Variants in ZNF722 observed in about 807,000 individuals in gnomAD.
ZNF722 encodes the protein zinc finger protein 479 pseudogene.
At chr7:64,010,458 G>A in the ZNF722 span, among the ~76,000 whole-genome samples, 2 of 152,080 alleles carry the variant, frequency 1.3e-5, no homozygotes, top group African/African-American at 2.4e-5. Flanking sequence ...GTTCTCATTG[G>A]TTTCAAAGAA....
chr7:64,016,026 A>G, the ZNF722 span: 1 of 776,500 alleles, frequency 1.3e-6, no homozygotes, highest in Non-Finnish European at 2.0e-6. Context: ...CAAGTTCCAA[A>G]CCTTAATAGA....
chr7:64,004,423 A>ATATAT, the ZNF722 span, among the ~76,000 whole-genome samples: 24 of 61,700 alleles, frequency 3.9e-4, no homozygotes, highest in African/African-American at 1.0e-3. Flanking sequence ...AAAAAAAAAA[A>ATATAT]AAATATATAT....
the ZNF722 span, chr7:64,015,460 A>C: frequency 6.2e-7 from 1 of 1,610,792 alleles, no homozygotes; most frequent in Non-Finnish European, 8.5e-7. Context: ...ACTACACATA[A>C]AAGAATTCAT....
At chr7:64,017,794 A>G in the ZNF722 span, among the ~76,000 whole-genome samples, 2 of 152,366 alleles carry the variant, frequency 1.3e-5, no homozygotes, top group African/African-American at 4.8e-5. Context: ...TCCAAAGATA[A>G]CAGTATATAC....
the ZNF722 span, among the ~76,000 whole-genome samples, chr7:64,004,399 A>G: frequency 8.9e-6 from 1 of 112,406 alleles, no homozygotes; most frequent in Non-Finnish European, 1.8e-5. Flanking sequence ...ACAGAGCGAG[A>G]CTCTGTCTCT....
chr7:64,015,870 GC>G, the ZNF722 span: 1 of 1,574,828 alleles, frequency 6.3e-7, no homozygotes, highest in Non-Finnish European at 8.7e-7. Context: ...TTCAAGTCTT[GC>G]TAAACATAAG....
chr7:64,000,631 A>C, the ZNF722 span, among the ~76,000 whole-genome samples: 1 of 149,242 alleles, frequency 6.7e-6, no homozygotes, highest in Non-Finnish European at 1.5e-5. Flanking sequence ...TTTTATTTTT[A>C]GTAGAGACAC....
At chr7:64,014,489 C>T in the ZNF722 span, among the ~76,000 whole-genome samples, 1 of 152,064 alleles carries the variant, frequency 6.6e-6, no homozygotes, top group South Asian at 2.1e-4. Context: ...TCTGGCATAG[C>T]CTGAAACCAA....
the ZNF722 span, among the ~76,000 whole-genome samples, chr7:64,010,408 C>T: frequency 2.0e-5 from 3 of 152,192 alleles, no homozygotes; most frequent in Non-Finnish European, 4.4e-5. Flanking sequence ...CTACACACTG[C>T]TTTAAATGTG....
At chr7:64,002,857 G>T in the ZNF722 span, among the ~76,000 whole-genome samples, 540 of 152,298 alleles carry the variant, frequency 3.5e-3, 5 homozygotes, top group African/African-American at 0.012. Context: ...CATGATGATT[G>T]GTTGTCTTTA....
chr7:64,012,085 C>T, the ZNF722 span, among the ~76,000 whole-genome samples: 101 of 152,214 alleles, frequency 6.6e-4, no homozygotes, highest in African/African-American at 2.3e-3. Context: ...CTTGTGCATG[C>T]GTCACATAGT....
At chr7:64,009,486 A>G in the ZNF722 span, among the ~76,000 whole-genome samples, 40 of 152,336 alleles carry the variant, frequency 2.6e-4, 1 homozygote, top group South Asian at 8.3e-3. Flanking sequence ...CCTTTTCTGC[A>G]TCTATTGAGA....
chr7:64,015,905 C>A, the ZNF722 span: 1 of 1,533,058 alleles, frequency 6.5e-7, no homozygotes, highest in Admixed American at 1.7e-5. Flanking sequence ...GAGAGAAACC[C>A]TACAAAAGTA....
chr7:64,017,001 T>C, the ZNF722 span, among the ~76,000 whole-genome samples: 6 of 152,232 alleles, frequency 3.9e-5, no homozygotes, highest in Non-Finnish European at 8.8e-5. Flanking sequence ...AAAGCATTTA[T>C]ACTAGAGAAA....
At chr7:64,002,071 T>C in the ZNF722 span, among the ~76,000 whole-genome samples, 1 of 152,016 alleles carries the variant, frequency 6.6e-6, no homozygotes, top group East Asian at 1.9e-4. Context: ...TTAGTAGAGA[T>C]GGGGATTCAC....
At chr7:64,008,707 G>A in the ZNF722 span, among the ~76,000 whole-genome samples, 1 of 152,172 alleles carries the variant, frequency 6.6e-6, no homozygotes, top group Non-Finnish European at 1.5e-5. Flanking sequence ...TTTTGGCTTA[G>A]TATTGTCTTG....
chr7:64,003,869 G>A, the ZNF722 span, among the ~76,000 whole-genome samples: 1 of 152,102 alleles, frequency 6.6e-6, no homozygotes, highest in South Asian at 2.1e-4. Flanking sequence ...AGTGAAAAGT[G>A]AAACATGTCC....
the ZNF722 span, among the ~76,000 whole-genome samples, chr7:64,007,230 GTATA>G: frequency 0.028 from 3,847 of 138,444 alleles, 253 homozygotes; most frequent in East Asian, 0.18. Flanking sequence ...GTTTGTGTGT[GTATA>G]TATATATATA....
chr7:64,000,644 T>C, the ZNF722 span, among the ~76,000 whole-genome samples: 1 of 151,118 alleles, frequency 6.6e-6, no homozygotes, highest in Admixed American at 6.6e-5. Context: ...AGAGACACAG[T>C]TTTGCCATGT....
Sources: gnomAD v4.1 joint callset for allele counts (sites outside exome capture counted in the v4.1 genomes callset) on GRCh38, gnomAD v4.1.1 for gene constraint, MANE v1.5 for transcripts, NCBI Gene and HGNC (gene_info 2026-07-23, HGNC 2026-07-21) for gene names.